The following CCDC169 variants were observed in gnomAD, a reference collection of about 807,000 sequenced individuals.
CCDC169 encodes the protein coiled-coil domain containing 169.
In CCDC169, 30 loss-of-function variants were observed where a neutral mutation model predicts 36.0. The observed-to-expected ratio is 0.83, with a 90% CI of 0.62 to 1.13. The LOEUF (loss-of-function observed/expected upper bound fraction) is 1.13. Among genes scored for constraint, CCDC169 ranks in the 50% most tolerant of loss-of-function variants. The pLI is 0.00. For synonymous variants in CCDC169, 85 were observed against 81.5 expected, an observed-to-expected ratio of 1.04 and a Z score of -0.23; for missense variants, 245 against 245.9, an observed-to-expected ratio of 1.00 and a Z score of 0.03.
intron 6 of CCDC169, 52 bp downstream of exon 6, chr13:36,253,751 A>AT: frequency 6.6e-7 from 1 of 1,518,770 alleles, no homozygotes; most frequent in African/African-American, 1.4e-5. Flanking sequence ...AGTGAAAAAC[A>AT]TAATTTACAG....
At position 36,257,299 on chromosome 13, in the gene CCDC169, C is replaced by G. The variant is rs145510471; in HGVS notation, c.316-3156G>C. On this transcript the variant is annotated intron_variant, in intron 4 of 7. Coordinates refer to ENST00000239859, the MANE Select transcript of CCDC169 (RefSeq NM_001144981.3). ...GGTCAAAGCAGGGCTATCTCATAGC[C>G]CTGTGTCCACACAATCCTCTCAGGG... Among the ~76,000 whole-genome samples the G allele has an allele frequency of 2.0e-3, 307 of 152,280 alleles. 2 individuals carry two copies. Among genetic ancestry groups the G allele is most frequent in the Middle Eastern group, 0.014 (4 of 294 alleles).
At chr13:36,286,250 C>G (rs1878240127) in intron 2 of CCDC169, among the ~76,000 whole-genome samples, 1 of 152,140 alleles carries the variant, frequency 6.6e-6, no homozygotes, top group African/African-American at 2.4e-5. Context: ...TGTCTGCTAC[C>G]TTCAATGCTT....
intron 4 of CCDC169, chr13:36,282,332 A>G: frequency 1.1e-6 from 1 of 950,950 alleles, no homozygotes; most frequent in Non-Finnish European, 1.3e-6. Context: ...ATTATTCTTT[A>G]TATCAAAGAA....
At chr13:36,234,496 A>G (rs1374609321) in intron 7 of CCDC169, among the ~76,000 whole-genome samples, 2 of 152,180 alleles carry the variant, frequency 1.3e-5, no homozygotes, top group African/African-American at 4.8e-5. Context: ...AAGAAGCCTA[A>G]CAAATTCCAA....
At chr13:36,291,735 G>C (rs940585684) in intron 2 of CCDC169, among the ~76,000 whole-genome samples, 6 of 152,048 alleles carry the variant, frequency 3.9e-5, no homozygotes, top group African/African-American at 1.4e-4. Context: ...GAATGGAAAT[G>C]CCTCTACTAT....
At chr13:36,295,009 G>C (rs1413133376) in intron 2 of CCDC169, among the ~76,000 whole-genome samples, 1 of 152,114 alleles carries the variant, frequency 6.6e-6, no homozygotes, top group Non-Finnish European at 1.5e-5. Flanking sequence ...TTGGGCATAA[G>C]ACAATATGAG....
At chr13:36,233,408 T>C (rs148504386) in intron 7 of CCDC169, among the ~76,000 whole-genome samples, 2,976 of 151,960 alleles carry the variant, frequency 0.02, 91 homozygotes, top group African/African-American at 0.068. Flanking sequence ...AATTACAATA[T>C]ATGAGAAGAG....
chr13:36,241,885 G>C (rs574274822), intron 7 of CCDC169, among the ~76,000 whole-genome samples: 1 of 152,302 alleles, frequency 6.6e-6, no homozygotes, highest in East Asian at 1.9e-4. Context: ...GACCCAGTGG[G>C]AGATAATTTG....
intron 2 of CCDC169, 41 bp from the exon 3 acceptor site, chr13:36,283,743 A>G (rs1877830879): frequency 9.5e-6 from 13 of 1,374,584 alleles, no homozygotes; most frequent in Non-Finnish European, 1.3e-5. Context: ...TCACCCCACC[A>G]CCTCTCATTT....
chr13:36,283,715 A>C lies in CCDC169; in HGVS notation c.164-13T>G, dbSNP rs963664835. 3.3e-5 allele frequency: 51 copies of C among 1,533,126 alleles called. No individual in the cohort carries two copies. Among genetic ancestry groups the C allele is most frequent in the Non-Finnish European group, 4.2e-5 (47 of 1,132,090 alleles). 95.0% of individuals were successfully genotyped at this position (1,533,126 alleles called of 1,614,324 possible). ...TTCCATTCACTACCTGAGTAAAAAC[A>C]GGGAGAAACAATCAAGATCACCCCA... is the stretch of plus-strand genomic sequence containing the variant. On this transcript the variant is annotated splice_polypyrimidine_tract_variant and intron_variant, in intron 2 of 7. Transcript: ENST00000239859.
At chr13:36,277,627 C>G (rs890226862) in intron 4 of CCDC169, among the ~76,000 whole-genome samples, 2 of 152,162 alleles carry the variant, frequency 1.3e-5, no homozygotes, top group African/African-American at 4.8e-5. Context: ...GTACACCCAA[C>G]TAGCTCAAGG....
At chr13:36,247,809 T>G (rs1048929736) in intron 7 of CCDC169, among the ~76,000 whole-genome samples, 18 of 152,238 alleles carry the variant, frequency 1.2e-4, no homozygotes, top group Admixed American at 1.1e-3. Flanking sequence ...TGGACTTGGT[T>G]GATAAATCAG....
chr13:36,227,498 A>AC, downstream of CCDC169: 1 of 1,115,882 alleles, frequency 9.0e-7, no homozygotes, highest in Non-Finnish European at 1.1e-6. Context: ...ACATATACAC[A>AC]AAAATAAATA....
intron 4 of CCDC169, among the ~76,000 whole-genome samples, chr13:36,277,748 C>T (rs899526965): frequency 2.0e-4 from 30 of 151,952 alleles, no homozygotes; most frequent in Non-Finnish European, 2.5e-4. Flanking sequence ...GTCAGGAGTT[C>T]AGCCTGGCCA....
downstream of CCDC169, chr13:36,227,025 G>T: frequency 2.3e-6 from 1 of 431,322 alleles, no homozygotes. Context: ...AAAAGACCAA[G>T]GTGAAGTCAG....
At chr13:36,224,729 C>T (rs1869773226), downstream of CCDC169, 1 of 152,126 alleles carries the variant, frequency 6.6e-6, no homozygotes, top group African/African-American at 2.4e-5. Context: ...AAGCAATCTA[C>T]AGATTCAATG....
intron 4 of CCDC169, among the ~76,000 whole-genome samples, chr13:36,257,255 C>T (rs1304436487): frequency 6.6e-6 from 1 of 152,200 alleles, no homozygotes; most frequent in Admixed American, 6.5e-5. Flanking sequence ...CCCCATCTAG[C>T]CCTACAGCAC....
At chr13:36,249,742 TTAAG>T (rs72103099) in intron 6 of CCDC169, among the ~76,000 whole-genome samples, 61,137 of 151,502 alleles carry the variant, frequency 0.4, 13,019 homozygotes, top group Non-Finnish European at 0.48. Context: ...AGGGATATTA[TTAAG>T]TAAGTCCTAG....
chr13:36,274,892 A>G (rs1477709912), intron 4 of CCDC169, among the ~76,000 whole-genome samples: 1 of 72,566 alleles, frequency 1.4e-5, no homozygotes, highest in South Asian at 4.7e-4. Context: ...TTTTTTTGAG[A>G]CAAAGTCTCC....
Sources: allele counts gnomAD v4.1 joint callset (sites outside exome capture counted in the v4.1 genomes callset), GRCh38; gene constraint gnomAD v4.1.1; transcripts MANE v1.5; gene names NCBI Gene and HGNC (gene_info 2026-07-23, HGNC 2026-07-21).